The following SAMD5 variants were observed in gnomAD, a reference collection of about 807,000 sequenced individuals.
The protein encoded by SAMD5 is sterile alpha motif domain-containing protein 5.
SAMD5 carries 13 observed loss-of-function variants against 11.3 expected under a neutral mutation model. That is an observed-to-expected ratio of 1.15 (90% CI 0.75 to 1.83). The LOEUF (loss-of-function observed/expected upper bound fraction) is 1.83. Ranked by LOEUF, SAMD5 falls within the 40% of genes most tolerant of loss-of-function variation. The pLI, the probability that SAMD5 is intolerant of heterozygous loss-of-function variation, is 0.00. For synonymous variants in SAMD5, 129 were observed against 111.3 expected (o/e 1.16, Z -1.00); for missense variants, 255 against 239.1 (o/e 1.07, Z -0.44).
chr6:147,577,053 A>T (rs1046558326), intron 1 of SAMD5, among the ~76,000 whole-genome samples: 13 of 152,242 alleles, frequency 8.5e-5, no homozygotes, highest in African/African-American at 2.9e-4. Context: ...AAAATTAAGA[A>T]AACCAGTAGG....
At chr6:147,865,705 A>G in the SAMD5 span, among the ~76,000 whole-genome samples, 1 of 152,158 alleles carries the variant, frequency 6.6e-6, no homozygotes, top group African/African-American at 2.4e-5. Flanking sequence ...ATTATTATGA[A>G]TATTTGCAAA....
intron 1 of SAMD5, among the ~76,000 whole-genome samples, chr6:147,662,765 T>TG (rs1415346378): frequency 8.5e-5 from 13 of 152,168 alleles, no homozygotes; most frequent in Non-Finnish European, 1.3e-4. Flanking sequence ...ATCAGTCTTC[T>TG]GCATGCACGT....
the SAMD5 span, among the ~76,000 whole-genome samples, chr6:147,932,090 A>G: frequency 2.0e-5 from 3 of 152,194 alleles, no homozygotes; most frequent in South Asian, 6.2e-4. Context: ...TTCTTCTGGA[A>G]TGCTAAAAGC....
intron 1 of SAMD5, among the ~76,000 whole-genome samples, chr6:147,689,870 T>G (rs1296653754): frequency 6.6e-6 from 1 of 152,234 alleles, no homozygotes; most frequent in Non-Finnish European, 1.5e-5. Flanking sequence ...TTAAATTTCT[T>G]TCAACTTTTA....
chr6:147,511,058 C>A (rs1045110089), intron 1 of SAMD5, among the ~76,000 whole-genome samples: 7 of 152,102 alleles, frequency 4.6e-5, no homozygotes, highest in African/African-American at 1.7e-4. Flanking sequence ...AATGTGAGTA[C>A]CTGGGCACTT....
chr6:147,603,667 A>G (rs2128448405), intron 1 of SAMD5, among the ~76,000 whole-genome samples: 1 of 152,298 alleles, frequency 6.6e-6, no homozygotes, highest in Middle Eastern at 3.4e-3. Flanking sequence ...CCAAGTCTGG[A>G]ACACAGGTTT....
chr6:147,627,974 C>T (rs1028382), intron 1 of SAMD5, among the ~76,000 whole-genome samples: 72,341 of 152,106 alleles, frequency 0.48, 17,682 homozygotes, highest in Middle Eastern at 0.57. Flanking sequence ...TTGTATTCCC[C>T]TGCCCAGGAT....
the SAMD5 span, among the ~76,000 whole-genome samples, chr6:147,791,985 T>C: frequency 2.6e-5 from 4 of 152,204 alleles, no homozygotes; most frequent in Non-Finnish European, 4.4e-5. Flanking sequence ...GTGAAACTAT[T>C]GTGTAAATAC....
intron 1 of SAMD5, among the ~76,000 whole-genome samples, chr6:147,589,300 G>A (rs1789420635): frequency 6.6e-6 from 1 of 152,058 alleles, no homozygotes; most frequent in Non-Finnish European, 1.5e-5. Context: ...ACTTTCAAAA[G>A]TTTAGACAGT....
intron 1 of SAMD5, among the ~76,000 whole-genome samples, chr6:147,644,356 A>C (rs730862): frequency 0.4 from 60,656 of 151,982 alleles, 13,192 homozygotes; most frequent in Middle Eastern, 0.52. Context: ...CATTAGAGAT[A>C]AATGGACAAA....
the SAMD5 span, among the ~76,000 whole-genome samples, chr6:147,864,731 A>G: frequency 6.6e-6 from 1 of 152,206 alleles, no homozygotes; most frequent in Non-Finnish European, 1.5e-5. Context: ...CATTTTTATA[A>G]AACAAGCTCA....
In SAMD5 at chr6:147,568,574, G is replaced by A. The variant is rs1022328042; in HGVS notation, c.*4118G>A. Reference sequence around the variant, plus strand: ...TGCCAATTCTCAGACCAAGTACAAAGTATTAGGAATTTTTTATATCAGCTG... The same window carrying A: ...TGCCAATTCTCAGACCAAGTACAAAATATTAGGAATTTTTTATATCAGCTG... On this transcript the variant is annotated 3_prime_UTR_variant, in exon 2 of 2. Coordinates refer to ENST00000367474, the MANE Select transcript of SAMD5 (RefSeq NM_001030060.3). The A allele has an allele frequency of 6.1e-5, 60 of 985,298 alleles. No individual in the cohort carries two copies. Among genetic ancestry groups the A allele is most frequent in the Middle Eastern group, 1.0e-3 (2 of 1,936 alleles). The allele number at this position is 985,298 out of a possible 1,614,324, so 61.0% of individuals were successfully genotyped here.
At chr6:147,878,425 A>G in the SAMD5 span, among the ~76,000 whole-genome samples, 298 of 151,674 alleles carry the variant, frequency 2.0e-3, 1 homozygote, top group African/African-American at 6.9e-3. Flanking sequence ...ACGGCTCTAC[A>G]TTCTAATACC....
the SAMD5 span, among the ~76,000 whole-genome samples, chr6:147,846,874 A>G: frequency 6.6e-6 from 1 of 152,176 alleles, no homozygotes; most frequent in Non-Finnish European, 1.5e-5. Context: ...AAACCCAAAC[A>G]TGATTCTCAT....
At chr6:147,739,869 G>C (rs549985047), downstream of SAMD5, among the ~76,000 whole-genome samples, 109 of 151,768 alleles carry the variant, frequency 7.2e-4, 1 homozygote, top group African/African-American at 2.5e-3. Flanking sequence ...ACCCAGGCTG[G>C]AGTGCAGCGG....
intron 1 of SAMD5, among the ~76,000 whole-genome samples, chr6:147,643,111 C>A (rs1790338400): frequency 6.6e-6 from 1 of 152,112 alleles, no homozygotes; most frequent in African/African-American, 2.4e-5. Context: ...CCACTTTGAC[C>A]CCTCTCTTTG....
the SAMD5 span, among the ~76,000 whole-genome samples, chr6:147,900,764 A>G: frequency 0.22 from 32,769 of 152,136 alleles, 3,606 homozygotes; most frequent in Non-Finnish European, 0.23. Context: ...AGAAGGCCAG[A>G]TGACTCCCCA....
the SAMD5 span, among the ~76,000 whole-genome samples, chr6:147,787,758 G>T: frequency 6.6e-6 from 1 of 152,178 alleles, no homozygotes; most frequent in African/African-American, 2.4e-5. Context: ...CAAGCATGGA[G>T]TACCGAAAAA....
chr6:147,877,167 C>A, the SAMD5 span, among the ~76,000 whole-genome samples: 1 of 151,980 alleles, frequency 6.6e-6, no homozygotes, highest in Admixed American at 6.6e-5. Context: ...CAAGTGAAAT[C>A]CTAGTGCACA....
Sources: allele counts gnomAD v4.1 joint callset (sites outside exome capture counted in the v4.1 genomes callset), GRCh38; gene constraint gnomAD v4.1.1; transcripts MANE v1.5; gene names NCBI Gene and HGNC (gene_info 2026-07-23, HGNC 2026-07-21).